MAP2K5: variants seen among roughly 807,000 people sequenced by gnomAD.
The protein encoded by MAP2K5 is mitogen-activated protein kinase kinase 5.
A neutral mutation model predicts 83.1 loss-of-function variants in MAP2K5; 49 were observed. That is an observed-to-expected ratio of 0.59 (90% CI 0.47 to 0.75). The LOEUF is 0.75. MAP2K5 is among the 30% of genes least tolerant of loss of function. The probability of loss-of-function intolerance (pLI) is 0.00; values close to 1 mark genes in which losing one functional copy is unlikely to be tolerated. For missense variants in MAP2K5, 457 were observed against 557.5 expected (o/e 0.82, Z 1.82); for synonymous variants, 202 against 191.8 (o/e 1.05, Z -0.44).
In MAP2K5 at chr15:67,630,897, T is replaced by G; in HGVS notation, c.555T>G (p.His185Gln). 1.9e-6 allele frequency: 3 copies of G among 1,609,690 alleles called. No homozygotes were observed. Among genetic ancestry groups the G allele is most frequent in the Non-Finnish European group, 2.5e-6 (3 of 1,177,154 alleles). ...TTTTTTCTTCCCATAGAGCATATCA[T>G]GTCCCGAGTGGGAAAATATTAGCTG... is the stretch of plus-strand genomic sequence containing the variant. Reference protein sequence around the residue: ...GNGGTVYKAYHVPSGKILAVK... With the variant: ...GNGGTVYKAYQVPSGKILAVK... The change falls in exon 9 of 22, where the codon CAT becomes CAG. Residue 185 changes from histidine (H) to glutamine (Q), a missense_variant. Coordinates refer to ENST00000178640, the MANE Select transcript of MAP2K5 (RefSeq NM_145160.3).
intron 19 of MAP2K5, among the ~76,000 whole-genome samples, chr15:67,765,095 T>A (rs58112756): frequency 6.6e-6 from 1 of 152,184 alleles, no homozygotes; most frequent in African/African-American, 2.4e-5. Context: ...GTGCAGTGGC[T>A]CATGCCTGTA....
At chr15:67,762,736 A>G (rs1008436753) in intron 19 of MAP2K5, among the ~76,000 whole-genome samples, 3 of 152,202 alleles carry the variant, frequency 2.0e-5, no homozygotes, top group Non-Finnish European at 4.4e-5. Flanking sequence ...AGTTACCCAG[A>G]GACAGATTCC....
rs561251222 is a variant in MAP2K5 at position 67,750,642 on chromosome 15, G to T, written c.1134+2041G>T. On this transcript the variant is annotated intron_variant, in intron 19 of 21. Transcript: ENST00000178640. This position sits in a 1 kb window ranked among gnomAD's most constrained non-coding sequence, Gnocchi z 4.2. The stretch of plus-strand genomic sequence containing the variant: ...CGTGCCTAGAATCTACTAGTTTCTC[G>T]GGTAACTCTCTGCACATTATAAGTT... Among the ~76,000 whole-genome samples the T allele has an allele frequency of 6.6e-6, 1 of 152,124 alleles. No homozygotes were observed. Among genetic ancestry groups the T allele is most frequent in the Admixed American group, 6.5e-5 (1 of 15,268 alleles).
chr15:67,708,006 C>T lies in MAP2K5; in HGVS notation c.1044+4598C>T, dbSNP rs907696614. ...TGTAGGAAACCGAGCAAAGGAATTT[C>T]CCTGAAATTACACAGGAATCAAATA... is the stretch of plus-strand genomic sequence containing the variant. On this transcript the variant is annotated intron_variant, in intron 16 of 21. Transcript: ENST00000178640. The surrounding 1 kb of genome is among the most constrained non-coding windows in gnomAD (Gnocchi z 4.9). 6.6e-6 allele frequency among the ~76,000 whole-genome samples: 1 copy of T among 152,142 alleles called. No homozygotes were observed. Among genetic ancestry groups the T allele is most frequent in the Non-Finnish European group, 1.5e-5 (1 of 68,010 alleles).
chr15:67,626,630 G>A (rs961886491), intron 8 of MAP2K5, among the ~76,000 whole-genome samples: 10 of 152,130 alleles, frequency 6.6e-5, no homozygotes, highest in Admixed American at 5.9e-4. Context: ...CTGGCACAGT[G>A]GCTCATACCT....
chr15:67,773,233 G>A (rs942222949), intron 21 of MAP2K5, among the ~76,000 whole-genome samples: 1 of 152,264 alleles, frequency 6.6e-6, no homozygotes, highest in African/African-American at 2.4e-5. Context: ...AAGGCTGCGA[G>A]TGCTGTGTTC....
At chr15:67,639,087 G>T (rs1341348026) in intron 9 of MAP2K5, among the ~76,000 whole-genome samples, 1 of 152,174 alleles carries the variant, frequency 6.6e-6, no homozygotes, top group Non-Finnish European at 1.5e-5. Context: ...TCATGATGAA[G>T]ACACCAAAAG....
Position 67,585,890 on chromosome 15 carries a change from C to T in MAP2K5, c.323C>T (p.Ala108Val). Residue 108 changes from alanine (A) to valine (V), a missense_variant and splice_region_variant, in exon 5 of 22, where the codon GCC becomes GTC. Physicochemically the swap from Ala to Val is moderately conservative, Grantham distance 64. This residue lies in a region of MAP2K5 where 234 missense variants were observed against 243.6 expected (regional missense o/e 0.96). Transcript: ENST00000178640. ...ACAATTTAGTCAATTACTGTTTCAG[C>T]CTGCAAGCCTCCTGGGGAACGGAAC... ...LIEPLQIFPR[A>V]CKPPGERNIH... The T allele has an allele frequency of 6.2e-7, 1 of 1,613,648 alleles. No homozygotes were observed. Among genetic ancestry groups the T allele is most frequent in the East Asian group, 2.2e-5 (1 of 44,870 alleles).
Position 67,640,150 on chromosome 15 carries a change from C to G in MAP2K5, c.586-6081C>G, listed in dbSNP as rs577568568. 3.7e-3 allele frequency among the ~76,000 whole-genome samples: 565 copies of G among 152,260 alleles called. 3 individuals are homozygous for G. Among genetic ancestry groups the G allele is most frequent in the African/African-American group, 0.013 (534 of 41,552 alleles). On this transcript the variant is annotated intron_variant, in intron 9 of 21. Transcript: ENST00000178640. This position sits in a 1 kb window ranked among gnomAD's most constrained non-coding sequence, Gnocchi z 4.6. ...ACTCCGTGATTCCTGCAGATCCTTG[C>G]ATATAGGGTATAGTACAAAGCATTA... is the stretch of plus-strand genomic sequence containing the variant.
chr15:67,759,395 C>CAA (rs201457162), intron 19 of MAP2K5, among the ~76,000 whole-genome samples: 1 of 147,910 alleles, frequency 6.8e-6, no homozygotes, highest in Non-Finnish European at 1.5e-5. Flanking sequence ...CCGATCTCTA[C>CAA]AAAAAAAAAC....
At chr15:67,680,365 A>G (rs144861618) in intron 13 of MAP2K5, among the ~76,000 whole-genome samples, 395 of 152,264 alleles carry the variant, frequency 2.6e-3, no homozygotes, top group African/African-American at 9.1e-3. Context: ...TTCTTTAGAT[A>G]TTTGTAAATC....
At chr15:67,584,342 C>T (rs1443194249) in intron 4 of MAP2K5, among the ~76,000 whole-genome samples, 2 of 152,122 alleles carry the variant, frequency 1.3e-5, no homozygotes, top group Non-Finnish European at 2.9e-5. Context: ...GTCTCTGATT[C>T]CTTGGCTAGC....
rs2090362411 is a variant in MAP2K5, at chr15:67,783,381, C to T, written c.1242+10629C>T. On this transcript the variant is annotated intron_variant, in intron 21 of 21. Transcript: ENST00000178640. This position sits in a 1 kb window ranked among gnomAD's most constrained non-coding sequence, Gnocchi z 5.1. ...TCCTGTGCTCCAAACTTCTGGCAGT[C>T]CCCAGATGCGTGAGGCATCCTCACA... is the stretch of plus-strand genomic sequence containing the variant. 6.6e-6 allele frequency among the ~76,000 whole-genome samples: 1 copy of T among 152,170 alleles called. No individual in the cohort carries two copies. The highest frequency in any genetic ancestry group is 2.1e-4 in the South Asian group (1 of 4,830).
chr15:67,727,826 T>G, intron 16 of MAP2K5, 90 bp from the exon 17 acceptor site: 1 of 897,428 alleles, frequency 1.1e-6, no homozygotes, highest in Non-Finnish European at 1.9e-6. Flanking sequence ...ATTTGCTGGA[T>G]GCAGTTCTGA....
chr15:67,734,440 T>G (rs530257632), intron 17 of MAP2K5, among the ~76,000 whole-genome samples: 3 of 152,318 alleles, frequency 2.0e-5, no homozygotes, highest in African/African-American at 4.8e-5. Context: ...GTGCTCTGGA[T>G]AGAGTATGTG....
Position 67,806,975 on chromosome 15 carries a change from CAG to C in MAP2K5, c.*230_*231del, listed in dbSNP as rs1407153993. On this transcript the variant is annotated 3_prime_UTR_variant, in exon 22 of 22. Transcript: ENST00000178640. ...TCTGGTTTGAAGGCGCTGACACTGG[CAG>C]AGAGGTAAAGGGTGGGGCATTGAGA... 1.7e-5 allele frequency: 26 copies of C among 1,522,346 alleles called. No homozygotes were observed. In the Admixed American group the frequency reaches 2.6e-4, roughly 15 times the overall value. 94.3% of individuals were successfully genotyped at this position (1,522,346 alleles called of 1,614,324 possible).
At chr15:67,759,502 G>A (rs909016486) in intron 19 of MAP2K5, among the ~76,000 whole-genome samples, 4 of 151,274 alleles carry the variant, frequency 2.6e-5, no homozygotes, top group African/African-American at 9.7e-5. Context: ...GGAGGTTCCG[G>A]TGAGCCAAGA....
At chr15:67,645,488 A>C (rs1488223566) in intron 9 of MAP2K5, among the ~76,000 whole-genome samples, 1 of 152,190 alleles carries the variant, frequency 6.6e-6, no homozygotes, top group Non-Finnish European at 1.5e-5. Context: ...TAAATAAATA[A>C]ATAAAATGTC....
At chr15:67,662,590 A>G (rs916300358) in intron 12 of MAP2K5, among the ~76,000 whole-genome samples, 1 of 152,168 alleles carries the variant, frequency 6.6e-6, no homozygotes, top group African/African-American at 2.4e-5. Context: ...TGAATAAAAC[A>G]TGTACATTTC....
Sources: allele counts gnomAD v4.1 joint callset (sites outside exome capture counted in the v4.1 genomes callset), GRCh38; gene constraint gnomAD v4.1.1; regional missense constraint gnomAD v4.1.1; non-coding constraint Gnocchi (gnomAD v3.1); transcripts MANE v1.5; gene names NCBI Gene and HGNC (gene_info 2026-07-23, HGNC 2026-07-21).